Variants in EML6 observed in about 807,000 individuals in gnomAD.
The protein encoded by EML6 is EMAP like 6.
EML6 carries 154 observed loss-of-function variants against 240.1 expected under a neutral mutation model. The observed-to-expected ratio is 0.64, with a 90% CI of 0.56 to 0.73. The LOEUF (loss-of-function observed/expected upper bound fraction) is 0.73. Ranked by LOEUF, EML6 falls within the 30% of genes least tolerant of loss-of-function variation. EML6 has a pLI of 0.00. For synonymous variants in EML6, 1,148 were observed against 899.0 expected (o/e 1.28, Z -4.95); for missense variants, 2,964 against 2,474.6 (o/e 1.20, Z -4.20).
intron 25 of EML6, among the ~76,000 whole-genome samples, chr2:54,914,775 T>C (rs1479122831): frequency 2.0e-5 from 3 of 148,986 alleles, no homozygotes; most frequent in Non-Finnish European, 4.5e-5. Context: ...AAAATCTTTT[T>C]CAAAGAAGCA....
chr2:54,823,355 T>G (rs1668419086), intron 5 of EML6, among the ~76,000 whole-genome samples: 1 of 152,096 alleles, frequency 6.6e-6, no homozygotes, highest in Non-Finnish European at 1.5e-5. Flanking sequence ...AGAGAGGCAT[T>G]GGTCACCCAT....
rs538542687 is a variant in EML6 at position 54,851,447 on chromosome 2, AG to A, written c.1444+1230del. 7.9e-5 allele frequency among the ~76,000 whole-genome samples: 12 copies of A among 152,322 alleles called. No homozygotes were observed. The South Asian group carries it at 2.5e-3, about 32-fold the overall frequency. Reference sequence around the variant, plus strand: ...AAATAATAAATAAATTTAGAAAAAAAGCCCAATGGATTTTAACTCTGAAACA... The same window carrying A: ...AAATAATAAATAAATTTAGAAAAAAACCCAATGGATTTTAACTCTGAAACA... On this transcript the variant is annotated intron_variant, in intron 10 of 41. Transcript: ENST00000356458.
chr2:54,904,750 C>T (rs371205562), intron 24 of EML6, among the ~76,000 whole-genome samples: 1 of 152,148 alleles, frequency 6.6e-6, no homozygotes, highest in African/African-American at 2.4e-5. Flanking sequence ...TAGCGTGGGG[C>T]ATTCCCTCCC....
intron 28 of EML6, among the ~76,000 whole-genome samples, chr2:54,936,284 T>C (rs1439161538): frequency 6.6e-6 from 1 of 152,368 alleles, no homozygotes; most frequent in East Asian, 1.9e-4. Context: ...GTGTGGGTTA[T>C]GATCTTTTAC....
At chr2:54,741,288 C>T (rs1683617501) in intron 2 of EML6, among the ~76,000 whole-genome samples, 1 of 152,112 alleles carries the variant, frequency 6.6e-6, no homozygotes, top group Non-Finnish European at 1.5e-5. Flanking sequence ...CTCCCCTAGC[C>T]CATCCTCTGC....
At chr2:54,781,147 A>G (rs1193343252) in intron 2 of EML6, among the ~76,000 whole-genome samples, 1 of 152,208 alleles carries the variant, frequency 6.6e-6, no homozygotes, top group Admixed American at 6.5e-5. Context: ...ATATATACAT[A>G]TCTATTATTA....
chr2:54,960,194 C>G (rs1426494294), intron 34 of EML6, 26 bp from the exon 35 acceptor site: 1 of 1,492,820 alleles, frequency 6.7e-7, no homozygotes, highest in Admixed American at 2.0e-5. Flanking sequence ...GGGTTAACAG[C>G]CTGAGTCCCT....
intron 26 of EML6, among the ~76,000 whole-genome samples, chr2:54,917,497 G>A (rs998381751): frequency 6.6e-6 from 1 of 151,590 alleles, no homozygotes; most frequent in African/African-American, 2.4e-5. Flanking sequence ...CCGAGTAGCT[G>A]GATTACAGAC....
rs187723474 is a variant in EML6 at position 54,936,099 on chromosome 2, G to C, written c.4004+7348G>C. ...CCAGAGGTTTTCATTATCACATTAAGAGAAAGCCAGAAATTAGAAACTTAT... is the reference window on the plus strand; with the variant it reads ...CCAGAGGTTTTCATTATCACATTAACAGAAAGCCAGAAATTAGAAACTTAT... On this transcript the variant is annotated intron_variant, in intron 28 of 41. Transcript: ENST00000356458. 3.9e-3 allele frequency among the ~76,000 whole-genome samples: 592 copies of C among 152,316 alleles called. 4 individuals are homozygous for C. The highest frequency in any genetic ancestry group is 0.014 in the African/African-American group (565 of 41,558).
chr2:54,769,817 G>A (rs1449466396), intron 2 of EML6, among the ~76,000 whole-genome samples: 2 of 152,154 alleles, frequency 1.3e-5, no homozygotes, highest in Non-Finnish European at 2.9e-5. Context: ...ATCCTGTCCA[G>A]TAGATCCGTA....
At position 54,928,533 on chromosome 2, in the gene EML6, A is replaced by T. The variant is rs1398396500; in HGVS notation, c.3877+19A>T. The T allele has an allele frequency of 2.6e-6, 4 of 1,545,474 alleles. No individual in the cohort carries two copies. Among genetic ancestry groups the T allele is most frequent in the Non-Finnish European group, 3.5e-6 (4 of 1,142,448 alleles). On this transcript the variant is annotated intron_variant, in intron 27 of 41. Coordinates refer to ENST00000356458, the MANE Select transcript of EML6 (RefSeq NM_001039753.4). ...GATGGAGGTGAGCCCCCCACCTGCCACATGCCTCCTGCGCCGAATGCACCT... is the reference window on the plus strand; with the variant it reads ...GATGGAGGTGAGCCCCCCACCTGCCTCATGCCTCCTGCGCCGAATGCACCT...
chr2:54,856,596 C>T (rs1223132918), intron 11 of EML6, among the ~76,000 whole-genome samples: 1 of 152,178 alleles, frequency 6.6e-6, no homozygotes, highest in East Asian at 1.9e-4. Flanking sequence ...GCTGGCCTTC[C>T]ATATGTCATG....
chr2:54,736,795 C>T (rs1361711656), intron 2 of EML6, among the ~76,000 whole-genome samples: 3 of 152,168 alleles, frequency 2.0e-5, no homozygotes, highest in Non-Finnish European at 4.4e-5. Context: ...CTAGGCCTAC[C>T]TGATACATAC....
In EML6 at chr2:54,733,049, T is replaced by C. The variant is rs140560232; in HGVS notation, c.197+7791T>C. ...ATTCCTTTCTTCCCCTAAAGGGAGG[T>C]AGGCATCTGGATGACCTCAACTAGA... On this transcript the variant is annotated intron_variant, in intron 2 of 41. Transcript: ENST00000356458. Among the ~76,000 whole-genome samples the C allele has an allele frequency of 7.8e-3, 1,180 of 152,242 alleles. 15 individuals carry two copies. The highest frequency in any genetic ancestry group is 0.027 in the African/African-American group (1,111 of 41,530).
chr2:54,844,319 TAGA>T, intron 8 of EML6, 71 bp downstream of exon 8: 1 of 1,219,148 alleles, frequency 8.2e-7, no homozygotes, highest in Admixed American at 2.0e-5. Flanking sequence ...TGCTTATTAA[TAGA>T]AGGATAAAGT....
chr2:54,839,761 C>T (rs1669341247), intron 7 of EML6, among the ~76,000 whole-genome samples: 1 of 152,236 alleles, frequency 6.6e-6, no homozygotes, highest in Admixed American at 6.5e-5. Flanking sequence ...ACCTGGCACT[C>T]TTCTGAGGAA....
chr2:54,954,290 G>A, intron 32 of EML6, 134 bp downstream of exon 32: 1 of 755,450 alleles, frequency 1.3e-6, no homozygotes, highest in South Asian at 2.0e-5. Context: ...GTGGAAAACA[G>A]GGCACTGGGG....
chr2:54,741,073 G>A (rs1328565969), intron 2 of EML6, among the ~76,000 whole-genome samples: 2 of 152,116 alleles, frequency 1.3e-5, no homozygotes, highest in African/African-American at 2.4e-5. Flanking sequence ...GTAAATGACA[G>A]TGCAGGCCAC....
chr2:54,753,772 A>G (rs1049394450), intron 2 of EML6, among the ~76,000 whole-genome samples: 2 of 151,374 alleles, frequency 1.3e-5, no homozygotes, highest in African/African-American at 4.9e-5. Context: ...CTCAAGCTCA[A>G]GTGATTCTCT....
Sources: allele counts gnomAD v4.1 joint callset (sites outside exome capture counted in the v4.1 genomes callset), GRCh38; gene constraint gnomAD v4.1.1; transcripts MANE v1.5; gene names NCBI Gene and HGNC (gene_info 2026-07-23, HGNC 2026-07-21).